The following LDLRAD3 variants were observed in gnomAD, a reference collection of about 807,000 sequenced individuals.
LDLRAD3 encodes low density lipoprotein receptor class A domain containing 3.
A neutral mutation model predicts 29.4 loss-of-function variants in LDLRAD3; 20 were observed. That is an observed-to-expected ratio of 0.68 (90% CI 0.48 to 0.99). The LOEUF is 0.99. Ranked by LOEUF, LDLRAD3 falls within the 50% of genes least tolerant of loss-of-function variation. The pLI is 0.00. For synonymous variants in LDLRAD3, 157 were observed against 192.7 expected, an observed-to-expected ratio of 0.81 and a Z score of 1.53; for missense variants, 420 against 454.3, an observed-to-expected ratio of 0.92 and a Z score of 0.69.
At chr11:36,198,993 G>A (rs899341332) in intron 4 of LDLRAD3, among the ~76,000 whole-genome samples, 2 of 152,014 alleles carry the variant, frequency 1.3e-5, no homozygotes, top group African/African-American at 2.4e-5. Flanking sequence ...CTCCGCCTCC[G>A]GGGTTCACCC....
chr11:36,104,700 A>G (rs950795920), intron 4 of LDLRAD3, among the ~76,000 whole-genome samples: 1 of 152,122 alleles, frequency 6.6e-6, no homozygotes, highest in African/African-American at 2.4e-5. Context: ...CCTTTTCTAG[A>G]TGAAGAAACT....
At chr11:36,029,480 C>G (rs1013812470) in intron 1 of LDLRAD3, among the ~76,000 whole-genome samples, 3 of 152,112 alleles carry the variant, frequency 2.0e-5, no homozygotes, top group Non-Finnish European at 4.4e-5. Flanking sequence ...GACCCCCAAA[C>G]TGTGGACTTT....
At chr11:35,957,322 C>T (rs1851214977) in intron 1 of LDLRAD3, among the ~76,000 whole-genome samples, 1 of 152,170 alleles carries the variant, frequency 6.6e-6, no homozygotes, top group Non-Finnish European at 1.5e-5. Flanking sequence ...TCACAGAATG[C>T]TGGGTGTATT....
chr11:35,995,964 C>T (rs899702684), intron 1 of LDLRAD3, among the ~76,000 whole-genome samples: 10 of 152,224 alleles, frequency 6.6e-5, no homozygotes, highest in Admixed American at 1.3e-4. Flanking sequence ...ATTTTTCTCT[C>T]CAGACCGCTA....
chr11:36,224,004 G>T (rs1004851248), intron 4 of LDLRAD3, among the ~76,000 whole-genome samples: 1 of 150,794 alleles, frequency 6.6e-6, no homozygotes, highest in Non-Finnish European at 1.5e-5. Flanking sequence ...AATGTTAAGC[G>T]CCACTGAACT....
chr11:36,206,120 C>T (rs76498113), intron 4 of LDLRAD3, among the ~76,000 whole-genome samples: 2,259 of 152,198 alleles, frequency 0.015, 67 homozygotes, highest in African/African-American at 0.052. Context: ...CATGAAGAGT[C>T]GAGAAAATTA....
rs140497592 is a variant in LDLRAD3 at position 36,005,400 on chromosome 11, A to C, written c.47-30703A>C. On this transcript the variant is annotated intron_variant, in intron 1 of 5. Coordinates refer to ENST00000315571, the MANE Select transcript of LDLRAD3 (RefSeq NM_174902.4). Reference sequence around the variant, plus strand: ...AGAATGCCACCAGTCTCTTTGCTAAAGCATAGCAAGAGTGACCTTTACTCC... The same window carrying C: ...AGAATGCCACCAGTCTCTTTGCTAACGCATAGCAAGAGTGACCTTTACTCC... 3.7e-3 allele frequency among the ~76,000 whole-genome samples: 563 copies of C among 152,376 alleles called. 4 individuals are homozygous for C. Among genetic ancestry groups the C allele is most frequent in the African/African-American group, 0.013 (538 of 41,594 alleles).
At chr11:35,954,732 A>T (rs1184742027) in intron 1 of LDLRAD3, among the ~76,000 whole-genome samples, 1 of 152,218 alleles carries the variant, frequency 6.6e-6, no homozygotes, top group East Asian at 1.9e-4. Flanking sequence ...CCCTTGGCTT[A>T]AAAAGACAAA....
intron 4 of LDLRAD3, among the ~76,000 whole-genome samples, chr11:36,126,316 C>G (rs1176374951): frequency 6.6e-6 from 1 of 152,186 alleles, no homozygotes; most frequent in Non-Finnish European, 1.5e-5. Context: ...CACCATTTAC[C>G]TTCTCCAGCC....
At chr11:36,075,248 CTGGAAGAATCCT>C (rs1447457022) in intron 2 of LDLRAD3, among the ~76,000 whole-genome samples, 1 of 152,128 alleles carries the variant, frequency 6.6e-6, no homozygotes, top group Non-Finnish European at 1.5e-5. Flanking sequence ...TGTGTCTACC[CTGGAAGAATCCT>C]TGTGAAAGCT....
At position 36,013,286 on chromosome 11, in the gene LDLRAD3, TTTC is replaced by T. The variant is rs568433796; in HGVS notation, c.47-22805_47-22803del. 6.0e-3 allele frequency among the ~76,000 whole-genome samples: 906 copies of T among 152,250 alleles called. 9 individuals are homozygous for T. Among genetic ancestry groups the T allele is most frequent in the African/African-American group, 0.02 (838 of 41,558 alleles). On this transcript the variant is annotated intron_variant, in intron 1 of 5. Transcript: ENST00000315571. The stretch of plus-strand genomic sequence containing the variant: ...AGGGACTTTGAAGGAATGATGTCTG[TTTC>T]TTCTTCTTCTTTTTTTTTACTTTAA...
At chr11:36,128,806 A>G (rs1281936010) in intron 4 of LDLRAD3, among the ~76,000 whole-genome samples, 1 of 151,650 alleles carries the variant, frequency 6.6e-6, no homozygotes, top group Admixed American at 6.6e-5. Flanking sequence ...TGGAGATCAC[A>G]TTACTGCACT....
In LDLRAD3 at chr11:36,229,366, CT is replaced by C; in HGVS notation, c.1008del (p.Glu337SerfsTer29). ...PQEGTAEPRD[S>X]EPSQGTEEV is the part of the protein sequence containing the mutation. The stretch of plus-strand genomic sequence containing the variant: ...GAGGGCACTGCTGAGCCCAGGGACT[CT>C]GAGCCCAGCCAGGGCACTGAAGAAG... On this transcript the variant is annotated frameshift_variant, in exon 6 of 6. Coordinates refer to ENST00000315571, the MANE Select transcript of LDLRAD3 (RefSeq NM_174902.4). LOFTEE classifies it high-confidence loss of function. 6.2e-7 allele frequency: 1 copy of C among 1,613,468 alleles called. No individual in the cohort carries two copies. The highest frequency in any genetic ancestry group is 8.5e-7 in the Non-Finnish European group (1 of 1,179,576).
At chr11:36,122,290 C>T (rs971233132) in intron 4 of LDLRAD3, among the ~76,000 whole-genome samples, 1 of 151,994 alleles carries the variant, frequency 6.6e-6, no homozygotes. Flanking sequence ...AGATGCCATC[C>T]AGAACAGAGT....
intron 2 of LDLRAD3, among the ~76,000 whole-genome samples, chr11:36,073,770 G>A (rs1852947700): frequency 6.6e-6 from 1 of 152,260 alleles, no homozygotes; most frequent in Admixed American, 6.5e-5. Context: ...GGGCCAAAGA[G>A]CTGGTTAATT....
intron 1 of LDLRAD3, among the ~76,000 whole-genome samples, chr11:36,005,148 T>C (rs1851868820): frequency 6.6e-6 from 1 of 152,250 alleles, no homozygotes; most frequent in African/African-American, 2.4e-5. Context: ...AAATAGGGTT[T>C]TCTTTTCTAC....
intron 4 of LDLRAD3, among the ~76,000 whole-genome samples, chr11:36,179,701 CA>C (rs982051734): frequency 8.6e-5 from 13 of 151,926 alleles, no homozygotes; most frequent in African/African-American, 3.1e-4. Context: ...GTGAATAAAA[CA>C]ACGGATGTAG....
chr11:36,070,745 A>G (rs898067550), intron 2 of LDLRAD3, among the ~76,000 whole-genome samples: 3 of 152,178 alleles, frequency 2.0e-5, no homozygotes, highest in Non-Finnish European at 2.9e-5. Context: ...CATATTCACA[A>G]GCGTCCCTGG....
chr11:36,128,965 A>G (rs1040729772), intron 4 of LDLRAD3, among the ~76,000 whole-genome samples: 3 of 152,166 alleles, frequency 2.0e-5, no homozygotes, highest in Non-Finnish European at 4.4e-5. Context: ...TTTGTAGTCT[A>G]CATGAGGGAT....
Sources: gnomAD v4.1 joint callset for allele counts (sites outside exome capture counted in the v4.1 genomes callset) on GRCh38, gnomAD v4.1.1 for gene constraint, MANE v1.5 for transcripts, NCBI Gene and HGNC (gene_info 2026-07-23, HGNC 2026-07-21) for gene names.